The following TLL2 variants were observed in gnomAD, a reference collection of about 807,000 sequenced individuals.
The protein encoded by TLL2 is tolloid like 2, also known as tolloid-like protein 2.
A neutral mutation model predicts 123.0 loss-of-function variants in TLL2; 106 were observed. That is an observed-to-expected ratio of 0.86 (90% CI 0.74 to 1.01). The LOEUF is 1.01. TLL2 is among the 50% of genes least tolerant of loss of function. TLL2 has a pLI of 0.00. For missense variants in TLL2, 1,332 were observed against 1,336.7 expected, an observed-to-expected ratio of 1.00 and a Z score of 0.06; for synonymous variants, 494 against 516.8, an observed-to-expected ratio of 0.96 and a Z score of 0.60.
Position 96,413,196 on chromosome 10 carries a change from G to A in TLL2, c.1044C>T (p.Cys348=). 6.2e-7 allele frequency: 1 copy of A among 1,614,026 alleles called. No individual in the cohort carries two copies. The highest frequency in any genetic ancestry group is 8.5e-7 in the Non-Finnish European group (1 of 1,179,926). Reference sequence around the variant, plus strand: ...GTCCCCACGGCTCATAGTTACCTGGGCATTTGTACAGCTTCCGGGCTTGAG... The same window carrying A: ...GTCCCCACGGCTCATAGTTACCTGGACATTTGTACAGCTTCCGGGCTTGAG... ...DIAQARKLYK[C]PACGETLQDT... Residue 348 remains cysteine, a synonymous_variant, in exon 8 of 21, where the codon TGC becomes TGT. Transcript: ENST00000357947.
chr10:96,510,992 G>A (rs1282382869), intron 1 of TLL2, among the ~76,000 whole-genome samples: 9 of 152,154 alleles, frequency 5.9e-5, no homozygotes, highest in Admixed American at 2.0e-4. Context: ...GAGTCGTCCC[G>A]GTAACACAGA....
chr10:96,380,692 CAAAAAAAAAAAAAAAAA>C (rs57395382), intron 16 of TLL2, among the ~76,000 whole-genome samples: 2 of 53,060 alleles, frequency 3.8e-5, no homozygotes, highest in African/African-American at 1.6e-4. Flanking sequence ...GACTCTATCT[CAAAAAAAAAAAAAAAAA>C]AAAAAAAAAA....
At chr10:96,385,863 C>T (rs1332766341) in intron 15 of TLL2, among the ~76,000 whole-genome samples, 192 bp downstream of exon 15, 1 of 152,170 alleles carries the variant, frequency 6.6e-6, no homozygotes, top group East Asian at 1.9e-4. Context: ...CGGAGGTGCT[C>T]TATCTGCAGA....
Position 96,386,983 on chromosome 10 carries a change from C to G in TLL2, c.1822G>C (p.Glu608Gln). ...SYKCACDPGY[E>Q]LAADKKMCEV... Reference sequence around the variant, plus strand: ...CACATCTTCTTATCGGCGGCCAGCTCGTAGCCAGGGTCACAGGCACACTTG... The same window carrying G: ...CACATCTTCTTATCGGCGGCCAGCTGGTAGCCAGGGTCACAGGCACACTTG... Residue 608 changes from glutamate (E) to glutamine (Q), a missense_variant, in exon 14 of 21, where the codon GAG becomes CAG. Transcript: ENST00000357947. 1 of 1,614,154 alleles carries G rather than the reference C, an allele frequency of 6.2e-7. No homozygotes were observed. Among genetic ancestry groups the G allele is most frequent in the Non-Finnish European group, 8.5e-7 (1 of 1,180,054 alleles).
intron 2 of TLL2, among the ~76,000 whole-genome samples, chr10:96,459,172 G>A (rs1847048264): frequency 1.3e-5 from 2 of 152,126 alleles, no homozygotes; most frequent in South Asian, 4.1e-4. Context: ...TGGGTTTAAT[G>A]CAATCATGAC....
At chr10:96,400,860 C>A (rs372936574) in intron 10 of TLL2, among the ~76,000 whole-genome samples, 2 of 152,234 alleles carry the variant, frequency 1.3e-5, no homozygotes, top group African/African-American at 4.8e-5. Context: ...CTGCAGCCAA[C>A]TTCCTCCCCT....
chr10:96,501,093 A>C (rs1412408449), intron 1 of TLL2, among the ~76,000 whole-genome samples: 1 of 152,192 alleles, frequency 6.6e-6, no homozygotes, highest in Non-Finnish European at 1.5e-5. Context: ...ATACAACAGA[A>C]TGTTCACAAC....
intron 16 of TLL2, 112 bp downstream of exon 16, chr10:96,384,475 G>T: frequency 8.7e-7 from 1 of 1,154,662 alleles, no homozygotes; most frequent in East Asian, 2.7e-5. Flanking sequence ...CATACCTGGA[G>T]GGATGCAGGA....
intron 2 of TLL2, among the ~76,000 whole-genome samples, chr10:96,452,426 C>T (rs563895460): frequency 3.9e-5 from 6 of 152,316 alleles, no homozygotes; most frequent in Admixed American, 1.3e-4. Context: ...CTGTCACCTG[C>T]GAGGGACACA....
At chr10:96,387,742 G>A (rs914758353) in intron 13 of TLL2, among the ~76,000 whole-genome samples, 9 of 152,116 alleles carry the variant, frequency 5.9e-5, no homozygotes, top group Non-Finnish European at 1.2e-4. Context: ...CTAGTGATGC[G>A]TTTGGGGCGA....
chr10:96,491,155 C>T (rs778545104), intron 1 of TLL2, among the ~76,000 whole-genome samples: 5 of 151,986 alleles, frequency 3.3e-5, no homozygotes, highest in Non-Finnish European at 5.9e-5. Flanking sequence ...CTGGGGCAGG[C>T]GGATCGCCTG....
chr10:96,483,440 G>A (rs1473301485), intron 1 of TLL2, among the ~76,000 whole-genome samples: 3 of 152,320 alleles, frequency 2.0e-5, no homozygotes, highest in Non-Finnish European at 4.4e-5. Flanking sequence ...ATCAGTGACT[G>A]TTGTGCCTCC....
chr10:96,456,461 G>A (rs1847017099), intron 2 of TLL2, among the ~76,000 whole-genome samples: 1 of 152,206 alleles, frequency 6.6e-6, no homozygotes, highest in African/African-American at 2.4e-5. Context: ...AGTCCACAGA[G>A]AAGCTGTCCC....
intron 3 of TLL2, among the ~76,000 whole-genome samples, chr10:96,435,715 C>G (rs1003591105): frequency 3.3e-5 from 5 of 152,154 alleles, no homozygotes; most frequent in African/African-American, 1.2e-4. Context: ...GTAGAAAAGA[C>G]TAGTTTTTCT....
intron 1 of TLL2, among the ~76,000 whole-genome samples, chr10:96,482,994 G>C (rs1490639608): frequency 6.6e-6 from 1 of 152,214 alleles, no homozygotes; most frequent in African/African-American, 2.4e-5. Context: ...AGTCTGGAGA[G>C]AGATAGACAT....
At chr10:96,396,581 CT>C (rs1177349566) in intron 11 of TLL2, among the ~76,000 whole-genome samples, 208 of 125,370 alleles carry the variant, frequency 1.7e-3, no homozygotes, top group African/African-American at 3.4e-3. Flanking sequence ...TTTCCCCTTT[CT>C]TTTTTTTTTT....
At chr10:96,407,203 C>A (rs1478909314) in intron 9 of TLL2, among the ~76,000 whole-genome samples, 1 of 152,084 alleles carries the variant, frequency 6.6e-6, no homozygotes, top group East Asian at 1.9e-4. Context: ...CTGTCCTGTG[C>A]AACCTGTTTC....
chr10:96,502,524 G>C (rs1212763046), intron 1 of TLL2, among the ~76,000 whole-genome samples: 1 of 152,154 alleles, frequency 6.6e-6, no homozygotes, highest in Non-Finnish European at 1.5e-5. Flanking sequence ...GTTGGGCGGG[G>C]TGAGAAGAAG....
intron 12 of TLL2, 99 bp downstream of exon 12, chr10:96,395,776 T>C (rs1164432996): frequency 1.4e-6 from 2 of 1,477,914 alleles, no homozygotes; most frequent in South Asian, 2.7e-5. Flanking sequence ...CCTCTTAGGT[T>C]CCTGTTTTTA....
Sources: gnomAD v4.1 joint callset for allele counts (sites outside exome capture counted in the v4.1 genomes callset) on GRCh38, gnomAD v4.1.1 for gene constraint, MANE v1.5 for transcripts, NCBI Gene and HGNC (gene_info 2026-07-23, HGNC 2026-07-21) for gene names.